The following INPP4B variants were observed in gnomAD, a reference collection of about 807,000 sequenced individuals.
INPP4B encodes inositol polyphosphate-4-phosphatase type II B, also known as inositol polyphosphate 4-phosphatase type II.
INPP4B carries 55 observed loss-of-function variants against 122.5 expected under a neutral mutation model. That is an observed-to-expected ratio of 0.45 (90% CI 0.36 to 0.56). The LOEUF is 0.56. Among genes scored for constraint, INPP4B ranks in the 20% least tolerant of loss-of-function variants. The probability of loss-of-function intolerance (pLI) is 0.00; values close to 1 mark genes in which losing one functional copy is unlikely to be tolerated. For synonymous variants in INPP4B, 403 were observed against 388.7 expected (o/e 1.04, Z -0.43); for missense variants, 1,000 against 1,097.7 (o/e 0.91, Z 1.26).
chr4:142,474,203 A>G (rs1315863309), intron 2 of INPP4B: 3 of 152,088 alleles, frequency 2.0e-5, no homozygotes, highest in Non-Finnish European at 2.9e-5. Flanking sequence ...CATTCTCACT[A>G]CGGGTAACCA....
rs1825151844 is a variant in INPP4B at position 142,170,624 on chromosome 4, A to T, written c.1359+3008T>A. 2.6e-5 allele frequency among the ~76,000 whole-genome samples: 4 copies of T among 151,830 alleles called. No homozygotes were observed. The South Asian group carries it at 8.3e-4, about 32-fold the overall frequency. On this transcript the variant is annotated intron_variant, in intron 16 of 25. Coordinates refer to ENST00000262992, the MANE Select transcript of INPP4B (RefSeq NM_001101669.3). ...ATTAGGAAGACTACATGTTAAAATA[A>T]TATTATCCACCTCATGGAACTCTGA...
intron 2 of INPP4B, among the ~76,000 whole-genome samples, chr4:142,616,326 C>T (rs1288243102): frequency 6.6e-6 from 1 of 152,054 alleles, no homozygotes; most frequent in African/African-American, 2.4e-5. Context: ...TGGAAATAAG[C>T]TTTCTTAGAT....
At chr4:142,125,496 G>A (rs1798264945) in intron 18 of INPP4B, among the ~76,000 whole-genome samples, 2 of 152,016 alleles carry the variant, frequency 1.3e-5, no homozygotes, top group Admixed American at 1.3e-4. Context: ...CAGGTGAATT[G>A]AACCTCATGT....
chr4:142,552,330 T>C lies in INPP4B; in HGVS notation c.-190-89604A>G, dbSNP rs185200305. On this transcript the variant is annotated intron_variant, in intron 2 of 25. Coordinates refer to ENST00000262992, the MANE Select transcript of INPP4B (RefSeq NM_001101669.3). ...GCATTTCTAACTGGCTCCCCAATGA[T>C]GCTGAGGCTGCTAATCTGGGATCCT... is the stretch of plus-strand genomic sequence containing the variant. Among the ~76,000 whole-genome samples the C allele has an allele frequency of 3.5e-3, 537 of 152,274 alleles. 4 individuals carry two copies. The highest frequency in any genetic ancestry group is 0.012 in the African/African-American group (500 of 41,560).
intron 2 of INPP4B, among the ~76,000 whole-genome samples, chr4:142,549,090 G>A (rs1727361447): frequency 6.6e-6 from 1 of 152,030 alleles, no homozygotes; most frequent in Admixed American, 6.6e-5. Context: ...ATTTAATTAA[G>A]CGGACACAAC....
chr4:142,280,345 C>A (rs574649871), intron 9 of INPP4B, among the ~76,000 whole-genome samples: 1 of 152,012 alleles, frequency 6.6e-6, no homozygotes, highest in African/African-American at 2.4e-5. Flanking sequence ...CCACAACATG[C>A]AATATTAATT....
At position 142,479,430 on chromosome 4, in the gene INPP4B, T is replaced by C. The variant is rs537458149; in HGVS notation, c.-190-16704A>G. ...ATTCTCAAAGAACCTGAAACAGAAG[T>C]AACAATTGACCCAGCAGGCTCATTA... On this transcript the variant is annotated intron_variant, in intron 2 of 25. Coordinates refer to ENST00000262992, the MANE Select transcript of INPP4B (RefSeq NM_001101669.3). Among the ~76,000 whole-genome samples, 4 of 152,242 alleles carry C rather than the reference T, an allele frequency of 2.6e-5. No individual in the cohort carries two copies. The South Asian group carries it at 8.3e-4, about 32-fold the overall frequency.
chr4:142,181,486 T>C (rs1830722840), intron 15 of INPP4B, among the ~76,000 whole-genome samples: 1 of 152,228 alleles, frequency 6.6e-6, no homozygotes, highest in African/African-American at 2.4e-5. Context: ...TTCACTGATA[T>C]GTCTAGATTG....
chr4:142,767,191 G>A (rs1772282929), intron 1 of INPP4B, among the ~76,000 whole-genome samples: 1 of 152,134 alleles, frequency 6.6e-6, no homozygotes, highest in Non-Finnish European at 1.5e-5. Context: ...TGTTTGCTCT[G>A]TCACTCTTTT....
intron 1 of INPP4B, among the ~76,000 whole-genome samples, chr4:142,803,576 T>A (rs1177628241): frequency 6.6e-6 from 1 of 151,642 alleles, no homozygotes; most frequent in Non-Finnish European, 1.5e-5. Flanking sequence ...GGGACTTCCC[T>A]TCTGTGTTCT....
At chr4:142,739,583 T>A (rs1454226376) in intron 1 of INPP4B, among the ~76,000 whole-genome samples, 1 of 151,808 alleles carries the variant, frequency 6.6e-6, no homozygotes, top group Non-Finnish European at 1.5e-5. Context: ...CTGGTATACA[T>A]ACACCACCAC....
chr4:142,342,424 A>C (rs981989415), intron 7 of INPP4B, among the ~76,000 whole-genome samples: 2 of 152,202 alleles, frequency 1.3e-5, no homozygotes, highest in Admixed American at 6.5e-5. Flanking sequence ...GAGAAATAAA[A>C]GAAATTAATA....
At chr4:142,629,837 C>T (rs765651101) in intron 2 of INPP4B, among the ~76,000 whole-genome samples, 5 of 152,150 alleles carry the variant, frequency 3.3e-5, no homozygotes, top group Admixed American at 2.0e-4. Flanking sequence ...CCTCTTCTTC[C>T]GAGGCTAGCA....
chr4:142,260,327 T>C (rs1371262005), intron 11 of INPP4B, among the ~76,000 whole-genome samples, 165 bp downstream of exon 11: 1 of 152,130 alleles, frequency 6.6e-6, no homozygotes, highest in Non-Finnish European at 1.5e-5. Flanking sequence ...TTATCTTTCC[T>C]GTGGAATTGT....
chr4:142,197,717 A>G (rs1414366510), intron 14 of INPP4B, among the ~76,000 whole-genome samples: 1 of 152,188 alleles, frequency 6.6e-6, no homozygotes, highest in Non-Finnish European at 1.5e-5. Flanking sequence ...TACTCAGCGC[A>G]TACCTGAATC....
intron 2 of INPP4B, among the ~76,000 whole-genome samples, chr4:142,586,623 G>A (rs887191641): frequency 6.6e-6 from 1 of 152,144 alleles, no homozygotes; most frequent in South Asian, 2.1e-4. Context: ...GATTATAAAC[G>A]GAGAATAACA....
intron 10 of INPP4B, 133 bp from the exon 11 acceptor site, chr4:142,260,697 T>A: frequency 1.6e-6 from 1 of 619,750 alleles, no homozygotes; most frequent in East Asian, 2.8e-5. Context: ...TTTTAAAAAC[T>A]ATTTCTAGCT....
chr4:142,811,928 A>T (rs1332247908), intron 1 of INPP4B, among the ~76,000 whole-genome samples: 1 of 152,190 alleles, frequency 6.6e-6, no homozygotes, highest in Non-Finnish European at 1.5e-5. Flanking sequence ...ATAAATATAT[A>T]CTCAACTACC....
chr4:142,211,520 T>TA (rs764833298), intron 12 of INPP4B, among the ~76,000 whole-genome samples: 3 of 151,818 alleles, frequency 2.0e-5, no homozygotes, highest in Non-Finnish European at 4.4e-5. Flanking sequence ...CACAAGGAAG[T>TA]AAAAAAATAA....
Sources: allele counts gnomAD v4.1 joint callset (sites outside exome capture counted in the v4.1 genomes callset), GRCh38; gene constraint gnomAD v4.1.1; transcripts MANE v1.5; gene names NCBI Gene and HGNC (gene_info 2026-07-23, HGNC 2026-07-21).